The following SMCHD1 variants were observed in gnomAD, a reference collection of about 807,000 sequenced individuals.
SMCHD1 encodes the protein structural maintenance of chromosomes flexible hinge domain-containing protein 1.
SMCHD1 carries 78 observed loss-of-function variants against 254.7 expected under a neutral mutation model. The ratio of observed to expected loss-of-function variants is 0.31; its 90% CI spans 0.26 to 0.37. The LOEUF (loss-of-function observed/expected upper bound fraction) is 0.37. Among genes scored for constraint, SMCHD1 ranks in the 10% least tolerant of loss-of-function variants. The pLI is 1.00. For missense variants in SMCHD1, 1,840 were observed against 2,408.1 expected, an observed-to-expected ratio of 0.76 and a Z score of 4.94; for synonymous variants, 766 against 794.9, an observed-to-expected ratio of 0.96 and a Z score of 0.61.
intron 37 of SMCHD1, 89 bp downstream of exon 37, chr18:2,763,878 A>G: frequency 4.9e-6 from 6 of 1,214,000 alleles, no homozygotes; most frequent in East Asian, 5.0e-5. Flanking sequence ...TTGTATAGCT[A>G]TGAAGATGTT....
intron 12 of SMCHD1, among the ~76,000 whole-genome samples, chr18:2,702,653 C>T (rs1397178070): frequency 6.6e-6 from 1 of 152,150 alleles, no homozygotes; most frequent in African/African-American, 2.4e-5. Context: ...TTCCCAGAAA[C>T]TGTATACCAT....
intron 8 of SMCHD1, 104 bp from the exon 9 acceptor site, chr18:2,696,928 G>T: frequency 3.7e-6 from 2 of 536,730 alleles, no homozygotes; most frequent in Non-Finnish European, 3.3e-6. Flanking sequence ...GCTTAATAAA[G>T]TGCTTGATAC....
chr18:2,789,241 C>G (rs1353474860), intron 45 of SMCHD1, among the ~76,000 whole-genome samples: 1 of 150,980 alleles, frequency 6.6e-6, no homozygotes. Context: ...GGGGTTTTGC[C>G]ATGTTGCTTA....
intron 1 of SMCHD1, among the ~76,000 whole-genome samples, chr18:2,663,846 T>A (rs2073362018): frequency 6.6e-6 from 1 of 151,874 alleles, no homozygotes; most frequent in African/African-American, 2.4e-5. Flanking sequence ...TCCCGAGTAG[T>A]TGGGACTACA....
intron 10 of SMCHD1, among the ~76,000 whole-genome samples, chr18:2,699,945 T>C (rs1045774919): frequency 1.3e-5 from 2 of 152,258 alleles, no homozygotes; most frequent in Non-Finnish European, 2.9e-5. Flanking sequence ...CACGAGAGTG[T>C]GTTGCTAATA....
intron 45 of SMCHD1, among the ~76,000 whole-genome samples, chr18:2,787,595 C>T (rs2076259726): frequency 6.6e-6 from 1 of 152,070 alleles, no homozygotes; most frequent in Non-Finnish European, 1.5e-5. Flanking sequence ...ATGTAAAAGG[C>T]CTAGACTCTA....
At chr18:2,752,433 T>G in intron 33 of SMCHD1, 55 bp from the exon 34 acceptor site, 1 of 1,116,836 alleles carries the variant, frequency 9.0e-7, no homozygotes, top group Non-Finnish European at 1.4e-6. Context: ...CTAAGTATAC[T>G]ATGTTAAATT....
chr18:2,712,801 A>G (rs678668), intron 17 of SMCHD1, among the ~76,000 whole-genome samples: 150,225 of 152,298 alleles, frequency 0.99, 74,124 homozygotes, highest in East Asian at 1. Flanking sequence ...TTGAATTGCA[A>G]AACTGTGTAT....
chr18:2,659,067 A>G (rs2073167276), intron 1 of SMCHD1, among the ~76,000 whole-genome samples: 3 of 152,160 alleles, frequency 2.0e-5, no homozygotes, highest in African/African-American at 4.8e-5. Context: ...AATTAAACCA[A>G]TAAATGTTTG....
At chr18:2,667,466 A>G (rs373271170) in intron 3 of SMCHD1, among the ~76,000 whole-genome samples, 9 of 152,284 alleles carry the variant, frequency 5.9e-5, no homozygotes, top group African/African-American at 2.2e-4. Flanking sequence ...ACTACTTGCT[A>G]GTTTCTGTCC....
At position 2,745,145 on chromosome 18, in the gene SMCHD1, GACTTTTA is replaced by G. The variant is rs2075427382; in HGVS notation, c.3801+1221_3801+1227del. 2.0e-5 allele frequency among the ~76,000 whole-genome samples: 3 copies of G among 147,330 alleles called. No individual in the cohort carries two copies. In the Admixed American group the frequency reaches 2.1e-4, roughly 10 times the overall value. On this transcript the variant is annotated intron_variant, in intron 29 of 47. Transcript: ENST00000320876. ...GGCATGAGCCACTGCACCCGGCCAG[GACTTTTA>G]ACTGTTGATGTGATAGCTAACTTTG...
intron 5 of SMCHD1, among the ~76,000 whole-genome samples, chr18:2,680,412 T>G (rs2073898223): frequency 6.6e-6 from 1 of 152,216 alleles, no homozygotes; most frequent in South Asian, 2.1e-4. Flanking sequence ...AGTTTCTGAT[T>G]AGTTAGCTTT....
intron 45 of SMCHD1, among the ~76,000 whole-genome samples, chr18:2,789,754 C>G (rs924122782): frequency 6.6e-6 from 1 of 152,128 alleles, no homozygotes; most frequent in South Asian, 2.1e-4. Flanking sequence ...ATAACTTCAT[C>G]GTAAGTTGAG....
At chr18:2,720,542 A>T (rs2074902652) in intron 19 of SMCHD1, among the ~76,000 whole-genome samples, 1 of 152,054 alleles carries the variant, frequency 6.6e-6, no homozygotes. Flanking sequence ...CCTTGGGGTA[A>T]TTATGATATG....
chr18:2,662,177 A>T (rs1208171383), intron 1 of SMCHD1, among the ~76,000 whole-genome samples: 3 of 81,004 alleles, frequency 3.7e-5, no homozygotes, highest in Admixed American at 1.1e-4. Context: ...AAAAAAAAAA[A>T]ATAAAATAAA....
At chr18:2,732,525 G>A (rs1377668165) in intron 25 of SMCHD1, 33 bp downstream of exon 25, 1 of 1,396,446 alleles carries the variant, frequency 7.2e-7, no homozygotes, top group African/African-American at 1.4e-5. Context: ...TTATTTGTAA[G>A]AACTTTTTAA....
chr18:2,701,255 G>A (rs745586384), intron 12 of SMCHD1: 28 of 162,500 alleles, frequency 1.7e-4, no homozygotes, highest in Non-Finnish European at 2.8e-4. Context: ...CTGCCTCCCA[G>A]GTTCAAGCTA....
At chr18:2,786,501 G>A (rs542833928) in intron 45 of SMCHD1, among the ~76,000 whole-genome samples, 1 of 151,876 alleles carries the variant, frequency 6.6e-6, no homozygotes, top group African/African-American at 2.4e-5. Context: ...AGACTAGCCC[G>A]GCCAACATGG....
intron 3 of SMCHD1, among the ~76,000 whole-genome samples, chr18:2,670,914 A>AAC (rs1555626233): frequency 6.6e-6 from 1 of 150,904 alleles, no homozygotes; most frequent in Non-Finnish European, 1.5e-5. Flanking sequence ...AAAAAAAAAA[A>AAC]AGAAAATTGA....
Sources: allele counts gnomAD v4.1 joint callset (sites outside exome capture counted in the v4.1 genomes callset), GRCh38; gene constraint gnomAD v4.1.1; transcripts MANE v1.5; gene names NCBI Gene and HGNC (gene_info 2026-07-23, HGNC 2026-07-21).